The following ABCC2 variants were observed in gnomAD, a reference collection of about 807,000 sequenced individuals.
The protein encoded by ABCC2 is ATP-binding cassette sub-family C member 2.
ABCC2 carries 157 observed loss-of-function variants against 173.4 expected under a neutral mutation model. That is an observed-to-expected ratio of 0.91 (90% confidence interval 0.80 to 1.03). The LOEUF is 1.03. ABCC2 is among the 50% of genes least tolerant of loss of function. ABCC2 has a pLI of 0.00. For missense variants in ABCC2, 1,822 were observed against 1,852.3 expected (o/e 0.98, Z 0.30); for synonymous variants, 657 against 693.5 (o/e 0.95, Z 0.83).
chr10:99,799,982 G>T (rs2037985516), intron 8 of ABCC2, among the ~76,000 whole-genome samples: 2 of 152,202 alleles, frequency 1.3e-5, no homozygotes, highest in South Asian at 2.1e-4. Context: ...CAGGAAGATT[G>T]TTTCAGGCCA....
intron 2 of ABCC2, among the ~76,000 whole-genome samples, chr10:99,784,983 T>A (rs554387290): frequency 6.6e-6 from 1 of 152,322 alleles, no homozygotes; most frequent in South Asian, 2.1e-4. Flanking sequence ...TGCATAAGAA[T>A]GGTGACTCTT....
chr10:99,835,764 A>C (rs900814117), intron 24 of ABCC2, among the ~76,000 whole-genome samples: 1 of 152,174 alleles, frequency 6.6e-6, no homozygotes, highest in Non-Finnish European at 1.5e-5. Flanking sequence ...AGAAACTGTC[A>C]CATGGATGAT....
At chr10:99,838,191 C>T (rs1232881644) in intron 25 of ABCC2, among the ~76,000 whole-genome samples, 216 of 44,354 alleles carry the variant, frequency 4.9e-3, no homozygotes, top group Admixed American at 9.2e-3. Context: ...GGCGGCTGGC[C>T]GGGCGGGGGG....
chr10:99,841,262 C>G (rs1213904510), intron 25 of ABCC2, among the ~76,000 whole-genome samples: 1 of 152,082 alleles, frequency 6.6e-6, no homozygotes, highest in Non-Finnish European at 1.5e-5. Flanking sequence ...ATTTAAAATG[C>G]AGATTTTTGG....
At chr10:99,810,254 C>T (rs374864306) in intron 14 of ABCC2, 36 bp downstream of exon 14, 42 of 1,550,240 alleles carry the variant, frequency 2.7e-5, no homozygotes, top group African/African-American at 1.9e-4. Context: ...CAAACTTATT[C>T]GCAGTACTGG....
chr10:99,831,679 T>A lies in ABCC2; in HGVS notation c.2952T>A (p.Leu984=). 1 of 1,614,170 alleles carries A rather than the reference T, an allele frequency of 6.2e-7. No homozygotes were observed. The highest frequency in any genetic ancestry group is 8.5e-7 in the Non-Finnish European group (1 of 1,180,022). Residue 984 remains leucine, a synonymous_variant, in exon 22 of 32, where the codon CTT becomes CTA. Transcript: ENST00000647814. ...TGTTTTCGATATTCTTCATCATCCT[T>A]GCGTTTGTGATGAATTCTGTGGCTT... is the stretch of plus-strand genomic sequence containing the variant. ...IGLFSIFFII[L]AFVMNSVAFI... is the part of the protein sequence containing the mutation.
rs777816479 is a variant in ABCC2, at chr10:99,847,131, A to G, written c.4313+4A>G. The G allele has an allele frequency of 6.2e-7, 1 of 1,613,936 alleles. No individual in the cohort carries two copies. Among genetic ancestry groups the G allele is most frequent in the African/African-American group, 1.3e-5 (1 of 74,910 alleles). On this transcript the variant is annotated splice_donor_region_variant and intron_variant, in intron 30 of 31. Transcript: ENST00000647814. ...CAGAGGCTGGTGGCAACCTGAGGTA[A>G]TGTTCCATAGCCTGCTACCCCTGCA...
intron 11 of ABCC2, 85 bp from the exon 12 acceptor site, chr10:99,807,299 A>G (rs2038126255): frequency 2.6e-6 from 4 of 1,547,926 alleles, no homozygotes; most frequent in South Asian, 2.2e-5. Context: ...TTTGGGGACT[A>G]TATCTTAAAA....
rs112606344 is a variant in ABCC2, at chr10:99,796,711, A to G, written c.633-386A>G. Among the ~76,000 whole-genome samples the G allele has an allele frequency of 6.8e-3, 1,033 of 152,166 alleles. 8 individuals carry two copies. The highest frequency in any genetic ancestry group is 0.023 in the African/African-American group (961 of 41,528). ...AAAAAAACACAAAAAACAAACAACA[A>G]CAACAACAAAAAACCACACACACCA... On this transcript the variant is annotated intron_variant, in intron 6 of 31. Coordinates refer to ENST00000647814, the MANE Select transcript of ABCC2 (RefSeq NM_000392.5).
Position 99,819,111 on chromosome 10 carries a change from G to A in ABCC2, c.2462G>A (p.Ser821Asn), listed in dbSNP as rs142298707. The A allele has an allele frequency of 4.3e-6, 7 of 1,614,134 alleles. No individual in the cohort carries two copies. The highest frequency in any genetic ancestry group is 5.9e-6 in the Non-Finnish European group (7 of 1,180,020). The change falls in exon 19 of 32, where the codon AGC becomes AAC. Residue 821 changes from serine to asparagine, a missense_variant. Physicochemically the swap from Ser to Asn is conservative, Grantham distance 46. Transcript: ENST00000647814. ...KGKTRLLVTHSMHFLPQVDEI... is the reference protein window; with the variant it reads ...KGKTRLLVTHNMHFLPQVDEI... ...TAGACTCGACTCTTGGTTACACATA[G>A]CATGCACTTTCTTCCTCAAGTGGAT...
chr10:99,851,977 G>T lies in ABCC2; in HGVS notation c.*346G>T. ...TATACCCTTTTTTACTTATGTAAATGGACTGACTCATACTGCATACATCTT... is the reference window on the plus strand; with the variant it reads ...TATACCCTTTTTTACTTATGTAAATTGACTGACTCATACTGCATACATCTT... On this transcript the variant is annotated 3_prime_UTR_variant, in exon 32 of 32. Coordinates refer to ENST00000647814, the MANE Select transcript of ABCC2 (RefSeq NM_000392.5). 1 of 220,112 alleles carries T rather than the reference G, an allele frequency of 4.5e-6. No individual in the cohort carries two copies. The allele number at this position is 220,112 out of a possible 1,614,324, so 13.6% of individuals were successfully genotyped here. A position where few individuals can be genotyped will look rare whatever the true frequency, so the allele number is the denominator to read the frequency against.
chr10:99,842,244 C>A, intron 26 of ABCC2, 151 bp downstream of exon 26: 1 of 1,107,354 alleles, frequency 9.0e-7, no homozygotes, highest in Non-Finnish European at 1.3e-6. Flanking sequence ...CATCTTTTAC[C>A]CATGGACGTA....
chr10:99,794,007 T>C lies in ABCC2; in HGVS notation c.576+8T>C. The C allele has an allele frequency of 6.3e-7, 1 of 1,575,082 alleles. No individual in the cohort carries two copies. The highest frequency in any genetic ancestry group is 8.7e-7 in the Non-Finnish European group (1 of 1,145,410). On this transcript the variant is annotated splice_region_variant and intron_variant, in intron 5 of 31. Coordinates refer to ENST00000647814, the MANE Select transcript of ABCC2 (RefSeq NM_000392.5). ...AATAATGAGTCATCAAATGTGAGATTCTAAATATGCCCATCTCATATATTA... is the reference window on the plus strand; with the variant it reads ...AATAATGAGTCATCAAATGTGAGATCCTAAATATGCCCATCTCATATATTA...
chr10:99,799,419 C>A (rs1406920360), intron 8 of ABCC2, 49 bp downstream of exon 8: 1 of 1,601,012 alleles, frequency 6.2e-7, no homozygotes, highest in Non-Finnish European at 8.6e-7. Context: ...CTCTGCCACC[C>A]TCCTTTTTGC....
Position 99,840,379 on chromosome 10 carries a change from C to T in ABCC2, c.3615-1588C>T, listed in dbSNP as rs2038916863. On this transcript the variant is annotated intron_variant, in intron 25 of 31. Transcript: ENST00000647814. The stretch of plus-strand genomic sequence containing the variant: ...GGCCGCAGCGCAGCCGCGCCAACCA[C>T]CAGCCGCGGCCACCATGGCCGGACG... Among the ~76,000 whole-genome samples, 4 of 145,434 alleles carry T rather than the reference C, an allele frequency of 2.8e-5. No homozygotes were observed. The South Asian group carries it at 8.6e-4, about 31-fold the overall frequency.
In ABCC2 at chr10:99,817,462, A is replaced by G. The variant is rs1590170176; in HGVS notation, c.2249A>G (p.Asp750Gly). The G allele has an allele frequency of 6.2e-7, 1 of 1,614,100 alleles. No individual in the cohort carries two copies. Among genetic ancestry groups the G allele is most frequent in the South Asian group, 1.1e-5 (1 of 91,080 alleles). Reference protein sequence around the residue: ...LPDLEMLPGGDLAEIGEKGIN... With the variant: ...LPDLEMLPGGGLAEIGEKGIN... The stretch of plus-strand genomic sequence containing the variant: ...GACTTGGAAATGCTGCCTGGAGGAG[A>G]TTTGGCTGAGATTGGAGAGAAGGTA... The change falls in exon 17 of 32, where the codon GAT becomes GGT. Residue 750 changes from aspartate (D) to glycine (G), a missense_variant. Coordinates refer to ENST00000647814, the MANE Select transcript of ABCC2 (RefSeq NM_000392.5).
chr10:99,851,986 C>G lies in ABCC2; in HGVS notation c.*355C>G, dbSNP rs1239346615. On this transcript the variant is annotated 3_prime_UTR_variant, in exon 32 of 32. Transcript: ENST00000647814. The stretch of plus-strand genomic sequence containing the variant: ...TTTTACTTATGTAAATGGACTGACT[C>G]ATACTGCATACATCTTCTATGACTT... 1 of 204,752 alleles carries G rather than the reference C, an allele frequency of 4.9e-6. No homozygotes were observed. The highest frequency in any genetic ancestry group is 2.4e-5 in the African/African-American group (1 of 42,310). 12.7% of individuals were successfully genotyped at this position (204,752 alleles called of 1,614,324 possible). A position where few individuals can be genotyped will look rare whatever the true frequency, so the allele number is the denominator to read the frequency against.
intron 11 of ABCC2, among the ~76,000 whole-genome samples, chr10:99,805,670 A>T (rs997096370): frequency 1.3e-5 from 2 of 152,160 alleles, no homozygotes; most frequent in African/African-American, 4.8e-5. Context: ...TTTACTGTAG[A>T]AGTGTTTAAA....
At chr10:99,803,748 A>G (rs1016961241) in intron 9 of ABCC2, among the ~76,000 whole-genome samples, 5 of 152,240 alleles carry the variant, frequency 3.3e-5, no homozygotes, top group Middle Eastern at 3.2e-3. Context: ...GTTACATCTC[A>G]GCTGACACCA....
Sources: gnomAD v4.1 joint callset for allele counts (sites outside exome capture counted in the v4.1 genomes callset) on GRCh38, gnomAD v4.1.1 for gene constraint, MANE v1.5 for transcripts, NCBI Gene and HGNC (gene_info 2026-07-23, HGNC 2026-07-21) for gene names.